AGO1: variants seen among roughly 807,000 people sequenced by gnomAD.
AGO1 encodes the protein argonaute RISC component 1.
In AGO1, 11 loss-of-function variants were observed where a neutral mutation model predicts 109.2. The ratio of observed to expected loss-of-function variants is 0.10; its 90% CI spans 0.06 to 0.17. AGO1 has a LOEUF of 0.17. Ranked by LOEUF, AGO1 falls within the 10% of genes least tolerant of loss-of-function variation. The pLI, the probability that AGO1 is intolerant of heterozygous loss-of-function variation, is 1.00. For missense variants in AGO1, 574 were observed against 1,140.3 expected (o/e 0.50, Z 7.15); for synonymous variants, 422 against 418.6 (o/e 1.01, Z -0.10).
At position 35,924,961 on chromosome 1, in the gene AGO1, T is replaced by C. The variant is rs1645900359; in HGVS notation, c.*5354T>C. 6.6e-6 allele frequency: 1 copy of C among 152,124 alleles called. No homozygotes were observed. The highest frequency in any genetic ancestry group is 1.5e-5 in the Non-Finnish European group (1 of 68,030). The allele number at this position is 152,124 out of a possible 1,614,324, so 9.4% of individuals were successfully genotyped here. A position where few individuals can be genotyped will look rare whatever the true frequency, so the allele number is the denominator to read the frequency against. On this transcript the variant is annotated 3_prime_UTR_variant, in exon 19 of 19. Coordinates refer to ENST00000373204, the MANE Select transcript of AGO1 (RefSeq NM_012199.5). ...TAGATGGTAGTTAAAGCCATAGGCA[T>C]GAATGAGATAGCTTAGAAAAAGAGA...
upstream of AGO1, among the ~76,000 whole-genome samples, chr1:35,879,298 AT>A: frequency 6.6e-6 from 1 of 151,900 alleles, no homozygotes; most frequent in South Asian, 2.1e-4. Flanking sequence ...AAAATACAAA[AT>A]TAGCCAGGTG....
At position 35,919,778 on chromosome 1, in the gene AGO1, A is replaced by G. The variant is rs1478628272; in HGVS notation, c.*171A>G. The G allele has an allele frequency of 5.0e-6, 3 of 595,324 alleles. No homozygotes were observed. The highest frequency in any genetic ancestry group is 8.8e-6 in the Non-Finnish European group (3 of 340,944). The allele number at this position is 595,324 out of a possible 1,614,324, so 36.9% of individuals were successfully genotyped here. A position where few individuals can be genotyped will look rare whatever the true frequency, so the allele number is the denominator to read the frequency against. On this transcript the variant is annotated 3_prime_UTR_variant, in exon 19 of 19. Coordinates refer to ENST00000373204, the MANE Select transcript of AGO1 (RefSeq NM_012199.5). This position sits in a 1 kb window ranked among gnomAD's most constrained non-coding sequence, Gnocchi z 6.6. ...AAGAGTGGGGAACAGGGCCAGCAAG[A>G]CAGACCACCAGCCAGAAATCTCTGA...
intron 12 of AGO1, among the ~76,000 whole-genome samples, chr1:35,909,041 C>T (rs184959073): frequency 2.4e-4 from 36 of 152,228 alleles, no homozygotes; most frequent in African/African-American, 8.4e-4. Flanking sequence ...TGGTCTCAAA[C>T]TCCTGACCTC....
At position 35,888,584 on chromosome 1, in the gene AGO1, G is replaced by C. The variant is rs74665168; in HGVS notation, c.183G>C (p.Pro61=). ...ACCACTACGAGGTGGACATCAAGCC[G>C]GATAAGTGTCCCCGTAGAGTCAACC... ...DVYHYEVDIK[P]DKCPRRVNRE... is the part of the protein sequence containing the mutation. Residue 61 remains proline, a synonymous_variant, in exon 2 of 19, where the codon CCG becomes CCC. Coordinates refer to ENST00000373204, the MANE Select transcript of AGO1 (RefSeq NM_012199.5). The surrounding 1 kb of genome is among the most constrained non-coding windows in gnomAD (Gnocchi z 4.1). The C allele has an allele frequency of 1.6e-3, 2,537 of 1,614,126 alleles. 22 individuals carry two copies. The African/African-American group carries it at 0.029, about 18-fold the overall frequency.
intron 1 of AGO1, among the ~76,000 whole-genome samples, chr1:35,871,125 T>C (rs1322797103): frequency 6.6e-6 from 1 of 152,238 alleles, no homozygotes; most frequent in Non-Finnish European, 1.5e-5. Context: ...TCTTCAACTT[T>C]ACCAAAGAGT....
intron 1 of AGO1, chr1:35,873,694 T>G (rs1332033314): frequency 1.3e-5 from 2 of 153,156 alleles, no homozygotes; most frequent in Non-Finnish European, 2.9e-5. Context: ...GCTTCACCTC[T>G]TCTCTCGTGA....
chr1:35,881,478 A>G (rs898252200), upstream of AGO1, among the ~76,000 whole-genome samples: 2 of 152,016 alleles, frequency 1.3e-5, no homozygotes, highest in African/African-American at 2.4e-5. Context: ...CTGCCACAAC[A>G]CCTGGCTAAT....
intron 2 of AGO1, among the ~76,000 whole-genome samples, chr1:35,890,308 C>T (rs1645194701): frequency 6.6e-6 from 1 of 152,178 alleles, no homozygotes; most frequent in Non-Finnish European, 1.5e-5. Context: ...CAGGCATGAC[C>T]CATCATGCCC....
Position 35,894,018 on chromosome 1 carries a change from CTT to C in AGO1, c.650-17_650-16del, listed in dbSNP as rs1478081145. 6.5e-7 allele frequency: 1 copy of C among 1,535,810 alleles called. No homozygotes were observed. Among genetic ancestry groups the C allele is most frequent in the African/African-American group, 1.4e-5 (1 of 72,320 alleles). ...GAAGACAGAACCTGAGCTGAGCTATCTTTACCCTGTCCCCACAGTCTCAGCCA... is the reference window on the plus strand; with the variant it reads ...GAAGACAGAACCTGAGCTGAGCTATCTACCCTGTCCCCACAGTCTCAGCCA... On this transcript the variant is annotated splice_polypyrimidine_tract_variant and intron_variant, in intron 5 of 18. Coordinates refer to ENST00000373204, the MANE Select transcript of AGO1 (RefSeq NM_012199.5).
At position 35,919,873 on chromosome 1, in the gene AGO1, G is replaced by T. The variant is rs911352318; in HGVS notation, c.*266G>T. ...TGGCCCTGACCCCACTGGACCAAAA[G>T]GGGCAGCACTGGTGCCCACCATACA... On this transcript the variant is annotated 3_prime_UTR_variant, in exon 19 of 19. Coordinates refer to ENST00000373204, the MANE Select transcript of AGO1 (RefSeq NM_012199.5). This position sits in a 1 kb window ranked among gnomAD's most constrained non-coding sequence, Gnocchi z 6.6. The T allele has an allele frequency of 1.3e-5, 6 of 456,326 alleles. No individual in the cohort carries two copies. In the East Asian group the frequency reaches 2.1e-4, roughly 16 times the overall value. The allele number at this position is 456,326 out of a possible 1,614,324, so 28.3% of individuals were successfully genotyped here. A position where few individuals can be genotyped will look rare whatever the true frequency, so the allele number is the denominator to read the frequency against.
Position 35,883,356 on chromosome 1 carries a change from T to C in AGO1, c.-66T>C, listed in dbSNP as rs1055353380. ...GATCCCGAGCAGCGAGAGTGTGGGG[T>C]ACCTAGGCCCCTCACGCTGGACTTC... is the stretch of plus-strand genomic sequence containing the variant. On this transcript the variant is annotated 5_prime_UTR_variant, in exon 1 of 19. Transcript: ENST00000373204. This position sits in a 1 kb window ranked among gnomAD's most constrained non-coding sequence, Gnocchi z 5.4. 3 of 1,570,550 alleles carry C rather than the reference T, an allele frequency of 1.9e-6. No individual in the cohort carries two copies. Among genetic ancestry groups the C allele is most frequent in the Admixed American group, 1.8e-5 (1 of 54,236 alleles).
chr1:35,900,206 T>C (rs1160639650), intron 8 of AGO1, among the ~76,000 whole-genome samples: 2 of 152,232 alleles, frequency 1.3e-5, no homozygotes, highest in African/African-American at 2.4e-5. Flanking sequence ...ACCCTAGTCC[T>C]GGTGGGTTGC....
intron 14 of AGO1, among the ~76,000 whole-genome samples, chr1:35,914,973 G>A (rs910373274): frequency 6.6e-5 from 10 of 152,162 alleles, no homozygotes; most frequent in Non-Finnish European, 1.3e-4. Flanking sequence ...ATGGGAAAAA[G>A]GATAAACTTG....
At chr1:35,899,061 T>C (rs1224740955) in intron 8 of AGO1, among the ~76,000 whole-genome samples, 1 of 152,196 alleles carries the variant, frequency 6.6e-6, no homozygotes, top group Non-Finnish European at 1.5e-5. Flanking sequence ...TCCCTCCTTT[T>C]AACCCCTAGC....
intron 1 of AGO1, among the ~76,000 whole-genome samples, chr1:35,875,452 C>T (rs1183322108): frequency 3.3e-5 from 5 of 152,026 alleles, no homozygotes; most frequent in African/African-American, 7.2e-5. Flanking sequence ...CTCGCTTTGT[C>T]GCCCAGGCTG....
Position 35,901,518 on chromosome 1 carries a change from C to A in AGO1, c.1065C>A (p.Thr355=). 6.2e-7 allele frequency: 1 copy of A among 1,614,040 alleles called. No homozygotes were observed. The highest frequency in any genetic ancestry group is 2.2e-5 in the East Asian group (1 of 44,868). ...VAGQRCIKKL[T]DNQTSTMIKA... ...GGCAGCGCTGTATTAAAAAGCTGAC[C>A]GACAACCAGACCTCGACCATGATAA... is the stretch of plus-strand genomic sequence containing the variant. The change falls in exon 9 of 19, where the codon ACC becomes ACA. Residue 355 remains threonine, a synonymous_variant. Transcript: ENST00000373204. This position sits in a 1 kb window ranked among gnomAD's most constrained non-coding sequence, Gnocchi z 4.8.
chr1:35,901,730 C>T lies in AGO1; in HGVS notation c.1140+137C>T. The T allele has an allele frequency of 7.0e-7, 1 of 1,427,008 alleles. No homozygotes were observed. Among genetic ancestry groups the T allele is most frequent in the Non-Finnish European group, 9.5e-7 (1 of 1,050,630 alleles). The allele number at this position is 1,427,008 out of a possible 1,614,324, so 88.4% of individuals were successfully genotyped here. On this transcript the variant is annotated intron_variant, in intron 9 of 18. Transcript: ENST00000373204. The surrounding 1 kb of genome is among the most constrained non-coding windows in gnomAD (Gnocchi z 4.8). ...GGACTGTATAAGGCTGCTTTTGCTT[C>T]TTGACCGTATAGCTACTTTGCTTTC...
chr1:35,927,713 A>C lies in AGO1; in HGVS notation c.*8106A>C, dbSNP rs1432963371. 6.6e-6 allele frequency: 1 copy of C among 152,160 alleles called. No homozygotes were observed. Among genetic ancestry groups the C allele is most frequent in the Non-Finnish European group, 1.5e-5 (1 of 68,024 alleles). The allele number at this position is 152,160 out of a possible 1,614,324, so 9.4% of individuals were successfully genotyped here. On this transcript the variant is annotated 3_prime_UTR_variant, in exon 19 of 19. Transcript: ENST00000373204. ...CAGTCATGTCTACTAGCAAGAAAGGAGATAAGGGCTGTTGGATAAGCAGCA... is the reference window on the plus strand; with the variant it reads ...CAGTCATGTCTACTAGCAAGAAAGGCGATAAGGGCTGTTGGATAAGCAGCA...
chr1:35,870,007 G>A (rs1479840330), intron 1 of AGO1: 1 of 152,068 alleles, frequency 6.6e-6, no homozygotes, highest in Non-Finnish European at 1.5e-5. Flanking sequence ...AGGCTGTGGA[G>A]ATATTTATAT....
Sources: allele counts gnomAD v4.1 joint callset (sites outside exome capture counted in the v4.1 genomes callset), GRCh38; gene constraint gnomAD v4.1.1; non-coding constraint Gnocchi (gnomAD v3.1); transcripts MANE v1.5; gene names NCBI Gene and HGNC (gene_info 2026-07-23, HGNC 2026-07-21).